The following OTUD7A variants were observed in gnomAD, a reference collection of about 807,000 sequenced individuals.
OTUD7A encodes OTU domain-containing protein 7A.
A neutral mutation model predicts 65.7 loss-of-function variants in OTUD7A; 12 were observed. That is an observed-to-expected ratio of 0.18 (90% CI 0.12 to 0.30). OTUD7A has a LOEUF of 0.30. Ranked by LOEUF, OTUD7A falls within the 10% of genes least tolerant of loss-of-function variation. The pLI, the probability that OTUD7A is intolerant of heterozygous loss-of-function variation, is 1.00. For synonymous variants in OTUD7A, 641 were observed against 586.3 expected (o/e 1.09, Z -1.35); for missense variants, 1,148 against 1,304.8 (o/e 0.88, Z 1.85).
chr15:31,505,891 A>G (rs1395116093), intron 8 of OTUD7A, among the ~76,000 whole-genome samples: 2 of 151,812 alleles, frequency 1.3e-5, no homozygotes, highest in Non-Finnish European at 2.9e-5. Context: ...CTGGGACTAC[A>G]GGCGCCCGCC....
intron 3 of OTUD7A, among the ~76,000 whole-genome samples, chr15:31,584,084 A>C (rs1225299284): frequency 3.3e-5 from 5 of 152,206 alleles, no homozygotes. Context: ...GAGCACAAAG[A>C]CAGCAGGGTG....
chr15:31,544,431 AAG>A (rs1313496409), intron 5 of OTUD7A, among the ~76,000 whole-genome samples: 1 of 151,152 alleles, frequency 6.6e-6, no homozygotes, highest in Non-Finnish European at 1.5e-5. Context: ...GGGAAAGAGA[AAG>A]AGAGAATGAA....
intron 1 of OTUD7A, among the ~76,000 whole-genome samples, chr15:31,851,548 G>C (rs1163646386): frequency 6.6e-6 from 1 of 152,210 alleles, no homozygotes; most frequent in Admixed American, 6.5e-5. Flanking sequence ...CATTCTGGTT[G>C]TACAGGTGAC....
At chr15:31,823,390 A>C (rs1896731930) in intron 1 of OTUD7A, among the ~76,000 whole-genome samples, 1 of 152,252 alleles carries the variant, frequency 6.6e-6, no homozygotes, top group African/African-American at 2.4e-5. Flanking sequence ...CTGCTTAAAC[A>C]AAATAGCTAA....
intron 1 of OTUD7A, among the ~76,000 whole-genome samples, chr15:31,870,049 G>C (rs1897984590): frequency 6.6e-6 from 1 of 150,906 alleles, no homozygotes; most frequent in Non-Finnish European, 1.5e-5. Context: ...GAGCGGCCTC[G>C]CGCGCGGCTC....
At chr15:31,856,076 C>T (rs975491317) in intron 1 of OTUD7A, among the ~76,000 whole-genome samples, 1 of 152,192 alleles carries the variant, frequency 6.6e-6, no homozygotes, top group Non-Finnish European at 1.5e-5. Context: ...CTTTTAGAAA[C>T]TTTTATGCTC....
Position 31,483,196 on chromosome 15 carries a change from G to A in OTUD7A, c.*98C>T. On this transcript the variant is annotated 3_prime_UTR_variant, in exon 13 of 13. Coordinates refer to ENST00000307050, the MANE Select transcript of OTUD7A (RefSeq NM_001382637.1). ...ACACGGCACTGACAGAGGAGGCGCCGGCCTTCCGGTGGACCAGGGCATGTA... is the reference window on the plus strand; with the variant it reads ...ACACGGCACTGACAGAGGAGGCGCCAGCCTTCCGGTGGACCAGGGCATGTA... The A allele has an allele frequency of 1.1e-5, 11 of 1,015,762 alleles. No homozygotes were observed. The highest frequency in any genetic ancestry group is 4.6e-5 in the South Asian group (1 of 21,768). The allele number at this position is 1,015,762 out of a possible 1,614,324, so 62.9% of individuals were successfully genotyped here.
Position 31,655,250 on chromosome 15 carries a change from T to C in OTUD7A, c.-4A>G. On this transcript the variant is annotated splice_region_variant and 5_prime_UTR_variant, in exon 3 of 13. It removes an upstream start codon present in the reference 5' UTR. Transcript: ENST00000307050. ...TTGGAAGCACACTAGAAACCATCCA[T>C]CTGCAGGAAAGAAGAGAAAGGGCAT... 1.5e-6 allele frequency: 2 copies of C among 1,315,004 alleles called. No homozygotes were observed. Among genetic ancestry groups the C allele is most frequent in the Non-Finnish European group, 2.1e-6 (2 of 948,998 alleles). The allele number at this position is 1,315,004 out of a possible 1,614,324, so 81.5% of individuals were successfully genotyped here.
intron 8 of OTUD7A, among the ~76,000 whole-genome samples, chr15:31,505,939 C>T (rs1018160590): frequency 6.6e-6 from 1 of 151,862 alleles, no homozygotes; most frequent in Non-Finnish European, 1.5e-5. Flanking sequence ...TTAGTAGAGA[C>T]GTGTTAGCCA....
At chr15:31,599,876 G>A (rs559250118) in intron 3 of OTUD7A, among the ~76,000 whole-genome samples, 8 of 152,024 alleles carry the variant, frequency 5.3e-5, no homozygotes, top group South Asian at 2.1e-4. Flanking sequence ...TCGATCAAGC[G>A]GAAGAAAGGA....
In OTUD7A at chr15:31,510,888, T is replaced by C. The variant is rs1225052484; in HGVS notation, c.894-7070A>G. 4.4e-4 allele frequency among the ~76,000 whole-genome samples: 20 copies of C among 45,496 alleles called. 7 individuals are homozygous for C. The highest frequency in any genetic ancestry group is 2.9e-3 in the African/African-American group (19 of 6,654). The allele number at this position is 45,496 out of a possible 152,430, so 29.8% of individuals were successfully genotyped here. A position where few individuals can be genotyped will look rare whatever the true frequency, so the allele number is the denominator to read the frequency against. On this transcript the variant is annotated intron_variant, in intron 8 of 12. Coordinates refer to ENST00000307050, the MANE Select transcript of OTUD7A (RefSeq NM_001382637.1). The stretch of plus-strand genomic sequence containing the variant: ...TGTATATCTATATGTAACATATATG[T>C]ATATCTATATGTAACATATATGTAT...
rs555168549 is a variant in OTUD7A, at chr15:31,508,848, G to C, written c.894-5030C>G. Reference sequence around the variant, plus strand: ...TGCTTAGCGTTGCCTAGGGGACATTGTGGCCCTGCCCCCTCTTAAGGTCTT... The same window carrying C: ...TGCTTAGCGTTGCCTAGGGGACATTCTGGCCCTGCCCCCTCTTAAGGTCTT... On this transcript the variant is annotated intron_variant, in intron 8 of 12. Transcript: ENST00000307050. 7.2e-5 allele frequency among the ~76,000 whole-genome samples: 11 copies of C among 152,400 alleles called. No individual in the cohort carries two copies. The South Asian group carries it at 2.3e-3, about 32-fold the overall frequency.
chr15:31,744,291 A>T (rs1894418734), intron 1 of OTUD7A, among the ~76,000 whole-genome samples: 1 of 152,170 alleles, frequency 6.6e-6, no homozygotes, highest in South Asian at 2.1e-4. Flanking sequence ...CTGACACTAA[A>T]AGAAGAATGT....
At chr15:31,602,467 A>G (rs538128754) in intron 3 of OTUD7A, among the ~76,000 whole-genome samples, 1 of 152,312 alleles carries the variant, frequency 6.6e-6, no homozygotes, top group Admixed American at 6.5e-5. Context: ...AAATATTAAG[A>G]GCTATTTATG....
intron 1 of OTUD7A, among the ~76,000 whole-genome samples, chr15:31,863,985 T>C (rs553357528): frequency 1.3e-5 from 2 of 152,324 alleles, no homozygotes; most frequent in South Asian, 4.1e-4. Flanking sequence ...CCCTAAATCA[T>C]CTCTCTTAAG....
At chr15:31,746,322 G>A (rs941797997) in intron 1 of OTUD7A, among the ~76,000 whole-genome samples, 2 of 152,056 alleles carry the variant, frequency 1.3e-5, no homozygotes, top group Non-Finnish European at 2.9e-5. Flanking sequence ...GGTAATGACT[G>A]TGGTGTGTAT....
At chr15:31,605,757 T>C (rs572483389) in intron 3 of OTUD7A, among the ~76,000 whole-genome samples, 18 of 152,366 alleles carry the variant, frequency 1.2e-4, no homozygotes, top group African/African-American at 4.1e-4. Flanking sequence ...AGTGACTGCA[T>C]TCCTGTGACA....
intron 3 of OTUD7A, among the ~76,000 whole-genome samples, chr15:31,649,497 C>T (rs1891773168): frequency 6.6e-6 from 1 of 152,162 alleles, no homozygotes; most frequent in South Asian, 2.1e-4. Context: ...GGATTTATTT[C>T]CCTTTAGACA....
chr15:31,854,614 T>C (rs1897519466), intron 1 of OTUD7A, among the ~76,000 whole-genome samples: 1 of 152,170 alleles, frequency 6.6e-6, no homozygotes. Context: ...ACTGATTATA[T>C]TGTGCCTATG....
Sources: allele counts gnomAD v4.1 joint callset (sites outside exome capture counted in the v4.1 genomes callset), GRCh38; gene constraint gnomAD v4.1.1; transcripts MANE v1.5; gene names NCBI Gene and HGNC (gene_info 2026-07-23, HGNC 2026-07-21).